The following SUGCT variants were observed in gnomAD, a reference collection of about 807,000 sequenced individuals.
SUGCT encodes the protein succinyl-CoA:glutarate CoA-transferase.
In SUGCT, 41 loss-of-function variants were observed where a neutral mutation model predicts 55.0. The ratio of observed to expected loss-of-function variants is 0.74; its 90% CI spans 0.58 to 0.97. The LOEUF (loss-of-function observed/expected upper bound fraction) is 0.97. SUGCT is among the 50% of genes least tolerant of loss of function. The pLI, the probability that SUGCT is intolerant of heterozygous loss-of-function variation, is 0.00. For synonymous variants in SUGCT, 187 were observed against 200.4 expected (o/e 0.93, Z 0.56); for missense variants, 568 against 547.8 (o/e 1.04, Z -0.37).
intron 9 of SUGCT, among the ~76,000 whole-genome samples, chr7:40,429,297 C>A: frequency 6.6e-6 from 1 of 152,088 alleles, no homozygotes; most frequent in East Asian, 1.9e-4. Context: ...GTATTGTCTT[C>A]CCTTCTTCCC....
chr7:41,007,380 G>T, the SUGCT span, among the ~76,000 whole-genome samples: 1 of 152,148 alleles, frequency 6.6e-6, no homozygotes, highest in Non-Finnish European at 1.5e-5. Context: ...CCAGAGTAAA[G>T]CTAGGGATAT....
At chr7:40,294,135 A>G (rs1285538980) in intron 8 of SUGCT, among the ~76,000 whole-genome samples, 1 of 151,950 alleles carries the variant, frequency 6.6e-6, no homozygotes, top group Non-Finnish European at 1.5e-5. Context: ...TTTAGTAGAG[A>G]CGGGGTTTCA....
chr7:41,035,399 G>A, the SUGCT span, among the ~76,000 whole-genome samples: 1 of 152,114 alleles, frequency 6.6e-6, no homozygotes, highest in East Asian at 1.9e-4. Flanking sequence ...GAAATAACAT[G>A]CAAAATATCA....
At chr7:40,366,513 C>T (rs868571642) in intron 9 of SUGCT, among the ~76,000 whole-genome samples, 4 of 152,224 alleles carry the variant, frequency 2.6e-5, no homozygotes, top group African/African-American at 7.2e-5. Flanking sequence ...TCAACCTACT[C>T]ATCTGACAAA....
chr7:40,508,285 T>G (rs535591475), intron 12 of SUGCT, among the ~76,000 whole-genome samples: 1 of 152,296 alleles, frequency 6.6e-6, no homozygotes, highest in African/African-American at 2.4e-5. Context: ...AGAACCCCGG[T>G]GCCTTGGCCT....
At chr7:40,681,022 C>T (rs1784213331) in intron 12 of SUGCT, among the ~76,000 whole-genome samples, 1 of 152,154 alleles carries the variant, frequency 6.6e-6, no homozygotes, top group East Asian at 1.9e-4. Flanking sequence ...TCCTGATCCT[C>T]ATTTATAATA....
intron 1 of SUGCT, among the ~76,000 whole-genome samples, chr7:40,138,758 T>C (rs886833463): frequency 6.6e-6 from 1 of 152,208 alleles, no homozygotes; most frequent in Non-Finnish European, 1.5e-5. Flanking sequence ...TTGGTGATGT[T>C]GAACATTTTT....
intron 12 of SUGCT, among the ~76,000 whole-genome samples, chr7:40,588,155 G>T (rs1449830620): frequency 6.6e-6 from 1 of 151,794 alleles, no homozygotes; most frequent in Non-Finnish European, 1.5e-5. Context: ...GCCCGCCTCG[G>T]CCTCCCAAAG....
At chr7:40,496,239 A>G in intron 11 of SUGCT, 45 bp from the exon 12 acceptor site, 1 of 1,272,660 alleles carries the variant, frequency 7.9e-7, no homozygotes, top group South Asian at 1.3e-5. Context: ...AGGCTGTGTT[A>G]CATTCCTTCC....
rs1171964334 is a variant in SUGCT, at chr7:40,268,218, ACCCC to A, written c.577-6294_577-6291del. On this transcript the variant is annotated intron_variant, in intron 7 of 13. Coordinates refer to ENST00000335693, the MANE Select transcript of SUGCT (RefSeq NM_001193313.2). ...CAGTCAATTTTAGAACATTTTCATC[ACCCC>A]ATAAAGAAACCTCTTACCTATTTGT... Among the ~76,000 whole-genome samples, 47 of 152,168 alleles carry A rather than the reference ACCCC, an allele frequency of 3.1e-4. No individual in the cohort carries two copies. The East Asian group carries it at 8.1e-3, about 26-fold the overall frequency.
intron 12 of SUGCT, among the ~76,000 whole-genome samples, chr7:40,571,665 T>G (rs879327417): frequency 2.6e-5 from 4 of 152,050 alleles, no homozygotes; most frequent in Admixed American, 2.6e-4. Context: ...TGAAAAAAAA[T>G]TCATTGGCTT....
intron 12 of SUGCT, among the ~76,000 whole-genome samples, chr7:40,587,671 C>G (rs1372394102): frequency 6.6e-6 from 1 of 152,060 alleles, no homozygotes; most frequent in Non-Finnish European, 1.5e-5. Context: ...GGTAAGATGT[C>G]ATATGACTTA....
At chr7:40,925,660 G>A in the SUGCT span, among the ~76,000 whole-genome samples, 2,086 of 152,280 alleles carry the variant, frequency 0.014, 50 homozygotes, top group African/African-American at 0.048. Context: ...GGAGGAGAAA[G>A]TAGCTGAACC....
chr7:40,640,420 G>T (rs1309265166), intron 12 of SUGCT, among the ~76,000 whole-genome samples: 1 of 151,952 alleles, frequency 6.6e-6, no homozygotes, highest in African/African-American at 2.4e-5. Context: ...TACATGCATG[G>T]CTAATTCAAC....
intron 9 of SUGCT, among the ~76,000 whole-genome samples, chr7:40,380,676 G>A (rs543327610): frequency 6.6e-6 from 1 of 152,118 alleles, no homozygotes; most frequent in Non-Finnish European, 1.5e-5. Flanking sequence ...TCTATAATGC[G>A]TGTTGATAGT....
intron 9 of SUGCT, among the ~76,000 whole-genome samples, chr7:40,378,902 C>T (rs1784735377): frequency 1.3e-5 from 2 of 152,188 alleles, no homozygotes; most frequent in South Asian, 4.1e-4. Context: ...ATGTCCTTAT[C>T]ATTGGAGCCT....
chr7:40,739,364 T>G (rs1346802617), intron 12 of SUGCT, among the ~76,000 whole-genome samples: 1 of 152,220 alleles, frequency 6.6e-6, no homozygotes, highest in East Asian at 1.9e-4. Context: ...TCTTTTGGAT[T>G]GGTGTTTTTC....
chr7:40,711,520 G>GAA (rs1785720423), intron 12 of SUGCT, among the ~76,000 whole-genome samples: 1 of 152,014 alleles, frequency 6.6e-6, no homozygotes, highest in African/African-American at 2.4e-5. Context: ...GAAAGAAAAA[G>GAA]AAAAGCTGGA....
Position 40,673,527 on chromosome 7 carries a change from CCTT to C in SUGCT, c.1090-75903_1090-75901del, listed in dbSNP as rs545310695. Among the ~76,000 whole-genome samples the C allele has an allele frequency of 2.0e-3, 307 of 152,280 alleles. 1 individual carries two copies. Among genetic ancestry groups the C allele is most frequent in the Middle Eastern group, 6.8e-3 (2 of 294 alleles). On this transcript the variant is annotated intron_variant, in intron 12 of 13. Transcript: ENST00000335693. ...CCTCTATTTAAATCTTGCCTCAAAG[CCTT>C]CTTTTCCTTTTTTATTTATTTATGA... is the stretch of plus-strand genomic sequence containing the variant.
Sources: allele counts gnomAD v4.1 joint callset (sites outside exome capture counted in the v4.1 genomes callset), GRCh38; gene constraint gnomAD v4.1.1; transcripts MANE v1.5; gene names NCBI Gene and HGNC (gene_info 2026-07-23, HGNC 2026-07-21).